The following MYH9 variants were observed in gnomAD, a reference collection of about 807,000 sequenced individuals.
MYH9 encodes the protein myosin heavy chain 9.
Under a neutral mutation model 241.9 loss-of-function variants are expected in MYH9, and 29 were observed. That is an observed-to-expected ratio of 0.12 (90% CI 0.09 to 0.16). The LOEUF (loss-of-function observed/expected upper bound fraction) is 0.16. Ranked by LOEUF, MYH9 falls within the 10% of genes least tolerant of loss-of-function variation. The pLI is 1.00. For synonymous variants in MYH9, 1,047 were observed against 1,062.6 expected (o/e 0.99, Z 0.29); for missense variants, 1,803 against 2,595.5 (o/e 0.69, Z 6.63).
Position 36,294,093 on chromosome 22 carries a change from T to C in MYH9, c.3836A>G (p.Gln1279Arg), listed in dbSNP as rs1365379816. ...CCAGGGTCCTGGCGGAGGCCTCACC[T>C]GCAGCTTGGTGACCTTGTCGGCCAG... ...TELADKVTKL[Q>R]VELDNVTGLL... The change falls in exon 28 of 41, where the codon CAG becomes CGG. Residue 1279 changes from glutamine to arginine, a missense_variant and splice_region_variant. Gln to Arg is a conservative substitution (Grantham distance 43). Around this residue, in one of 11 missense-constraint regions of MYH9, gnomAD observed 876 missense variants for 1,077.8 expected, o/e 0.81. Transcript: ENST00000216181. 2 of 1,608,092 alleles carry C rather than the reference T, an allele frequency of 1.2e-6. No individual in the cohort carries two copies. The highest frequency in any genetic ancestry group is 1.7e-6 in the Non-Finnish European group (2 of 1,179,874).
intron 31 of MYH9, among the ~76,000 whole-genome samples, chr22:36,290,421 T>C (rs902065342): frequency 2.7e-5 from 4 of 150,876 alleles, no homozygotes; most frequent in Middle Eastern, 3.5e-3. Context: ...AATGATATAA[T>C]GATAATTAAA....
At chr22:36,297,619 T>C (rs1053765470) in intron 24 of MYH9, among the ~76,000 whole-genome samples, 2 of 152,202 alleles carry the variant, frequency 1.3e-5, no homozygotes, top group African/African-American at 4.8e-5. Flanking sequence ...GATCTTGAGA[T>C]GTAGCCCGTG....
At chr22:36,291,281 G>C (rs547914806) in intron 31 of MYH9, among the ~76,000 whole-genome samples, 1 of 152,238 alleles carries the variant, frequency 6.6e-6, no homozygotes, top group African/African-American at 2.4e-5. Flanking sequence ...GATGGTTGCC[G>C]TGTCTGTGTA....
In MYH9 at chr22:36,324,374, G is replaced by A. The variant is rs79040272; in HGVS notation, c.613-1853C>T. On this transcript the variant is annotated intron_variant, in intron 5 of 40. Transcript: ENST00000216181. ...TGTATGAGGTTTGGGGTTACCCATC[G>A]GTTTCTGAAGGGCTTCACTGGGTGG... 8.5e-3 allele frequency among the ~76,000 whole-genome samples: 1,294 copies of A among 152,366 alleles called. 21 individuals are homozygous for A. Among genetic ancestry groups the A allele is most frequent in the African/African-American group, 0.029 (1,199 of 41,588 alleles).
At chr22:36,353,016 G>A (rs2017793840) in intron 1 of MYH9, among the ~76,000 whole-genome samples, 1 of 152,168 alleles carries the variant, frequency 6.6e-6, no homozygotes, top group African/African-American at 2.4e-5. Flanking sequence ...TCGGCCACCT[G>A]GGCAGGATCA....
intron 1 of MYH9, among the ~76,000 whole-genome samples, chr22:36,372,175 C>T (rs145617679): frequency 2.0e-4 from 30 of 152,162 alleles, no homozygotes; most frequent in African/African-American, 7.0e-4. Flanking sequence ...AATATAACAG[C>T]TACTAAATAA....
chr22:36,385,011 A>G (rs1009305764), intron 1 of MYH9, among the ~76,000 whole-genome samples: 1 of 152,104 alleles, frequency 6.6e-6, no homozygotes, highest in Non-Finnish European at 1.5e-5. Context: ...GGGCTGCACA[A>G]AGGGAAATGC....
chr22:36,295,188 A>C lies in MYH9; in HGVS notation c.3486-112T>G, dbSNP rs902606152. On this transcript the variant is annotated intron_variant, in intron 26 of 40. Transcript: ENST00000216181. This position sits in a 1 kb window ranked among gnomAD's most constrained non-coding sequence, Gnocchi z 4.1. ...TGGCCAGGGCACAGGCACTCCAGGCAGCTTTTCTACCCACCGGCCCCTCCT... is the reference window on the plus strand; with the variant it reads ...TGGCCAGGGCACAGGCACTCCAGGCCGCTTTTCTACCCACCGGCCCCTCCT... The C allele has an allele frequency of 1.4e-6, 2 of 1,466,314 alleles. No homozygotes were observed. Among genetic ancestry groups the C allele is most frequent in the Non-Finnish European group, 1.9e-6 (2 of 1,054,078 alleles). The allele number at this position is 1,466,314 out of a possible 1,614,324, so 90.8% of individuals were successfully genotyped here. A position where few individuals can be genotyped will look rare whatever the true frequency, so the allele number is the denominator to read the frequency against.
intron 24 of MYH9, 98 bp from the exon 25 acceptor site, chr22:36,297,112 G>T: frequency 1.8e-5 from 25 of 1,387,356 alleles, no homozygotes; most frequent in Non-Finnish European, 6.0e-6. Flanking sequence ...TATGAAACGT[G>T]TGTCAGGCTT....
chr22:36,387,619 G>T (rs1027087629), intron 1 of MYH9, among the ~76,000 whole-genome samples, 188 bp downstream of exon 1: 1 of 151,706 alleles, frequency 6.6e-6, no homozygotes, highest in East Asian at 1.9e-4. Context: ...GAGCGCCCGC[G>T]TGGGGGTCCC....
At chr22:36,356,559 C>A (rs1474323137) in intron 1 of MYH9, among the ~76,000 whole-genome samples, 2 of 108,860 alleles carry the variant, frequency 1.8e-5, no homozygotes, top group Non-Finnish European at 3.3e-5. Flanking sequence ...CCAGCCTGGG[C>A]AACAGAGTGA....
intron 1 of MYH9, among the ~76,000 whole-genome samples, chr22:36,369,322 C>T (rs1377149197): frequency 6.6e-6 from 1 of 152,198 alleles, no homozygotes; most frequent in Non-Finnish European, 1.5e-5. Flanking sequence ...CAGTGCTCGG[C>T]AGCAAGTAAT....
chr22:36,284,166 G>A lies in MYH9; in HGVS notation c.5692C>T (p.Arg1898Cys), dbSNP rs2016539630. 6.2e-7 allele frequency: 1 copy of A among 1,614,002 alleles called. No individual in the cohort carries two copies. The highest frequency in any genetic ancestry group is 1.3e-5 in the African/African-American group (1 of 74,956). ...GTCTCAGTGGCGTCCTCCAGCTCGC[G>A]CTGCAGTTTCCGGCGGGAGGCGTTG... ...RANASRRKLQ[R>C]ELEDATETAD... Residue 1898 changes from arginine to cysteine, a missense_variant, in exon 40 of 41, where the codon CGC becomes TGC. Physicochemically the swap from Arg to Cys is radical, Grantham distance 180. Coordinates refer to ENST00000216181, the MANE Select transcript of MYH9 (RefSeq NM_002473.6).
chr22:36,284,180 C>A lies in MYH9; in HGVS notation c.5678G>T (p.Arg1893Leu). The A allele has an allele frequency of 6.2e-7, 1 of 1,613,934 alleles. No homozygotes were observed. Among genetic ancestry groups the A allele is most frequent in the Non-Finnish European group, 8.5e-7 (1 of 1,179,964 alleles). The change falls in exon 40 of 41, where the codon CGC becomes CTC. Residue 1893 changes from arginine to leucine, a missense_variant. Arg to Leu is a moderately radical substitution (Grantham distance 102). Transcript: ENST00000216181. ...CTCCAGCTCGCGCTGCAGTTTCCGG[C>A]GGGAGGCGTTGGCCCGCTGGGCCTC... ...EEEAQRANASRRKLQRELEDA... is the reference protein window; with the variant it reads ...EEEAQRANASLRKLQRELEDA...
chr22:36,341,610 C>T (rs768486765), intron 2 of MYH9, 84 bp from the exon 3 acceptor site: 11 of 1,497,676 alleles, frequency 7.3e-6, no homozygotes, highest in Non-Finnish European at 1.0e-5. Flanking sequence ...ATATCTGCGG[C>T]TTCAAAGGAC....
rs991133368 is a variant in MYH9 at position 36,288,582 on chromosome 22, A to C, written c.4770+145T>G. On this transcript the variant is annotated intron_variant, in intron 33 of 40. Coordinates refer to ENST00000216181, the MANE Select transcript of MYH9 (RefSeq NM_002473.6). The surrounding 1 kb of genome is among the most constrained non-coding windows in gnomAD (Gnocchi z 4.8). ...TAAGAAAGTGAGTCACTGAACCCCG[A>C]GACAGGAGGCTAGAAAGAAGGAATA... is the stretch of plus-strand genomic sequence containing the variant. 7 of 1,316,274 alleles carry C rather than the reference A, an allele frequency of 5.3e-6. No individual in the cohort carries two copies. Among genetic ancestry groups the C allele is most frequent in the Non-Finnish European group, 7.6e-6 (7 of 926,620 alleles). 81.5% of individuals were successfully genotyped at this position (1,316,274 alleles called of 1,614,324 possible). A position where few individuals can be genotyped will look rare whatever the true frequency, so the allele number is the denominator to read the frequency against.
At chr22:36,328,647 C>T (rs1318235387) in intron 3 of MYH9, among the ~76,000 whole-genome samples, 1 of 152,256 alleles carries the variant, frequency 6.6e-6, no homozygotes, top group East Asian at 1.9e-4. Context: ...GTAAGCTCCA[C>T]AAACGGTTGC....
In MYH9 at chr22:36,320,902, C is replaced by A; in HGVS notation, c.770-6G>T. The A allele has an allele frequency of 6.2e-7, 1 of 1,611,836 alleles. No homozygotes were observed. The highest frequency in any genetic ancestry group is 8.5e-7 in the Non-Finnish European group (1 of 1,178,542). On this transcript the variant is annotated splice_region_variant and splice_polypyrimidine_tract_variant and intron_variant, in intron 7 of 40. Coordinates refer to ENST00000216181, the MANE Select transcript of MYH9 (RefSeq NM_002473.6). This position sits in a 1 kb window ranked among gnomAD's most constrained non-coding sequence, Gnocchi z 4.8. ...ACGAGATTTCTCCAAAAGATCTTTG[C>A]AAATATTAAGGAGCAACACAAGCTG...
intron 1 of MYH9, among the ~76,000 whole-genome samples, chr22:36,352,590 C>T (rs2017784134): frequency 6.6e-6 from 1 of 152,208 alleles, no homozygotes; most frequent in African/African-American, 2.4e-5. Context: ...AGGAATTCCA[C>T]CCAACCAACT....
Sources: gnomAD v4.1 joint callset for allele counts (sites outside exome capture counted in the v4.1 genomes callset) on GRCh38, gnomAD v4.1.1 for gene constraint, gnomAD v4.1.1 regional missense constraint, Gnocchi (gnomAD v3.1) non-coding constraint, MANE v1.5 for transcripts, NCBI Gene and HGNC (gene_info 2026-07-23, HGNC 2026-07-21) for gene names.